ZNF335: variants seen among roughly 807,000 people sequenced by gnomAD.
ZNF335 encodes zinc finger protein 335, also known as NRC-interacting factor 1.
ZNF335 carries 84 observed loss-of-function variants against 145.6 expected under a neutral mutation model. The ratio of observed to expected loss-of-function variants is 0.58; its 90% CI spans 0.48 to 0.69. The LOEUF is 0.69. Among genes scored for constraint, ZNF335 ranks in the 30% least tolerant of loss-of-function variants. The probability of loss-of-function intolerance (pLI) is 0.00; values close to 1 mark genes in which losing one functional copy is unlikely to be tolerated. For missense variants in ZNF335, 1,865 were observed against 1,809.7 expected (o/e 1.03, Z -0.55); for synonymous variants, 761 against 717.0 (o/e 1.06, Z -0.98).
intron 7 of ZNF335, among the ~76,000 whole-genome samples, chr20:45,965,334 A>G (rs778564241): frequency 6.6e-6 from 1 of 151,998 alleles, no homozygotes; most frequent in Admixed American, 6.6e-5. Context: ...TTCTCATTTC[A>G]GTAATATTTA....
Position 45,965,635 on chromosome 20 carries a change from G to C in ZNF335, c.1095C>G (p.Leu365=). Residue 365 remains leucine, a synonymous_variant, in exon 7 of 28, where the codon CTC becomes CTG. Coordinates refer to ENST00000322927, the MANE Select transcript of ZNF335 (RefSeq NM_022095.4). Reference sequence around the variant, plus strand: ...CCCAAGACCAAGCCTCACCATCTGGGAGGTCTGAGATCTCCAGGCGGGGCA... The same window carrying C: ...CCCAAGACCAAGCCTCACCATCTGGCAGGTCTGAGATCTCCAGGCGGGGCA... ...RKLPRLEISD[L]PDGVEGEPLV... The C allele has an allele frequency of 6.3e-7, 1 of 1,598,604 alleles. No individual in the cohort carries two copies. The highest frequency in any genetic ancestry group is 8.5e-7 in the Non-Finnish European group (1 of 1,173,846).
At chr20:45,951,092 A>G (rs1308678495) in intron 20 of ZNF335, among the ~76,000 whole-genome samples, 1 of 152,196 alleles carries the variant, frequency 6.6e-6, no homozygotes, top group Non-Finnish European at 1.5e-5. Flanking sequence ...GGTTTTCTCC[A>G]TGTTGGTCAG....
In ZNF335 at chr20:45,949,795, C is replaced by T. The variant is rs369593106; in HGVS notation, c.3669+5G>A. 2 of 1,614,084 alleles carry T rather than the reference C, an allele frequency of 1.2e-6. No homozygotes were observed. The highest frequency in any genetic ancestry group is 2.7e-5 in the African/African-American group (2 of 75,044). Reference sequence around the variant, plus strand: ...TGAGGGGATTAACAGTAGCTAGTAGCTCACCTGGTTGTCGGAGGTCACCAG... The same window carrying T: ...TGAGGGGATTAACAGTAGCTAGTAGTTCACCTGGTTGTCGGAGGTCACCAG... On this transcript the variant is annotated splice_donor_5th_base_variant and intron_variant, in intron 24 of 27. Coordinates refer to ENST00000322927, the MANE Select transcript of ZNF335 (RefSeq NM_022095.4).
In ZNF335 at chr20:45,949,365, C is replaced by G; in HGVS notation, c.3787G>C (p.Glu1263Gln). The G allele has an allele frequency of 6.2e-7, 1 of 1,614,156 alleles. No homozygotes were observed. ...TCCTGAAGGAACGGGGCTCCTTGTTCATACTGGATGTGTGTGATCTGGCCC... is the reference window on the plus strand; with the variant it reads ...TCCTGAAGGAACGGGGCTCCTTGTTGATACTGGATGTGTGTGATCTGGCCC... ...QEGQITHIQY[E>Q]QGAPFLQESQ... Residue 1263 changes from glutamate to glutamine, a missense_variant, in exon 26 of 28, where the codon GAA becomes CAA. By Grantham distance (29) the Glu-to-Gln change is conservative. Coordinates refer to ENST00000322927, the MANE Select transcript of ZNF335 (RefSeq NM_022095.4).
intron 2 of ZNF335, 143 bp from the exon 3 acceptor site, chr20:45,969,834 G>GGCCTCTCTC: frequency 1.8e-6 from 2 of 1,133,262 alleles, no homozygotes; most frequent in Non-Finnish European, 2.4e-6. Context: ...CCCCACGGAG[G>GGCCTCTCTC]ACCAGTGAGA....
chr20:45,968,148 AC>A (rs1313695286), intron 4 of ZNF335, 121 bp from the exon 5 acceptor site: 16 of 1,510,628 alleles, frequency 1.1e-5, no homozygotes, highest in Non-Finnish European at 1.5e-5. Context: ...CCAGAGGCCA[AC>A]CCGTCAGTAG....
intron 1 of ZNF335, chr20:45,971,765 G>A (rs1190016067): frequency 1.0e-6 from 1 of 985,426 alleles, no homozygotes; most frequent in Non-Finnish European, 1.2e-6. Context: ...CAGTGGTTCA[G>A]CCCTTCGGCC....
Position 45,962,086 on chromosome 20 carries a change from C to G in ZNF335, c.1630G>C (p.Val544Leu). ...CACACTGACCGGTCCCGGCTGTGCACAGCGGCGTGCCGAATGACGTCCTTC... is the reference window on the plus strand; with the variant it reads ...CACACTGACCGGTCCCGGCTGTGCAGAGCGGCGTGCCGAATGACGTCCTTC... ...YRKDVIRHAA[V>L]HSRDRKKRPD... is the part of the protein sequence containing the mutation. The change falls in exon 10 of 28, where the codon GTG (valine) becomes CTG (leucine). Residue 544 changes from valine (V) to leucine (L), a missense_variant. Transcript: ENST00000322927. 1 of 1,613,606 alleles carries G rather than the reference C, an allele frequency of 6.2e-7. No individual in the cohort carries two copies. Among genetic ancestry groups the G allele is most frequent in the Non-Finnish European group, 8.5e-7 (1 of 1,179,882 alleles).
At position 45,968,358 on chromosome 20, in the gene ZNF335, G is replaced by A. The variant is rs1403655556; in HGVS notation, c.447C>T (p.Cys149=). Residue 149 remains cysteine, a synonymous_variant, in exon 4 of 28, where the codon TGC becomes TGT. Transcript: ENST00000322927. ...STIGPDLIQN[C]ITVTSAEDGG... ...CATCCTCAGCACTGGTCACAGTGAT[G>A]CAGTCTGGGCAGAGATGGGGAAGGG... is the stretch of plus-strand genomic sequence containing the variant. 3 of 1,609,818 alleles carry A rather than the reference G, an allele frequency of 1.9e-6. No individual in the cohort carries two copies. Among genetic ancestry groups the A allele is most frequent in the Non-Finnish European group, 2.5e-6 (3 of 1,176,888 alleles).
intron 6 of ZNF335, 48 bp from the exon 7 acceptor site, chr20:45,965,822 CT>C: frequency 6.4e-7 from 1 of 1,565,138 alleles, no homozygotes; most frequent in East Asian, 2.4e-5. Flanking sequence ...GGGACCTGCC[CT>C]TTCAGCCCTG....
chr20:45,962,596 G>A (rs1034173606), intron 9 of ZNF335, among the ~76,000 whole-genome samples: 3 of 152,108 alleles, frequency 2.0e-5, no homozygotes, highest in South Asian at 2.1e-4. Context: ...TCTGACCACC[G>A]TGCCCGGAAG....
chr20:45,963,380 C>G, intron 9 of ZNF335, 93 bp downstream of exon 9: 1 of 1,406,866 alleles, frequency 7.1e-7, no homozygotes, highest in African/African-American at 1.4e-5. Context: ...ACCCAGAATG[C>G]TCTGTGACTC....
In ZNF335 at chr20:45,949,789, T is replaced by C; in HGVS notation, c.3669+11A>G. Reference sequence around the variant, plus strand: ...CACAGCTGAGGGGATTAACAGTAGCTAGTAGCTCACCTGGTTGTCGGAGGT... The same window carrying C: ...CACAGCTGAGGGGATTAACAGTAGCCAGTAGCTCACCTGGTTGTCGGAGGT... On this transcript the variant is annotated intron_variant, in intron 24 of 27. Transcript: ENST00000322927. 1 of 1,613,992 alleles carries C rather than the reference T, an allele frequency of 6.2e-7. No homozygotes were observed. The highest frequency in any genetic ancestry group is 8.5e-7 in the Non-Finnish European group (1 of 1,179,934).
chr20:45,953,450 AAAT>A (rs1444330590), intron 18 of ZNF335, among the ~76,000 whole-genome samples: 1 of 152,194 alleles, frequency 6.6e-6, no homozygotes, highest in Non-Finnish European at 1.5e-5. Flanking sequence ...AAAACAAGGG[AAAT>A]CTGGGTCTCA....
At chr20:45,962,501 C>T (rs903992704) in intron 9 of ZNF335, among the ~76,000 whole-genome samples, 4 of 152,224 alleles carry the variant, frequency 2.6e-5, no homozygotes, top group South Asian at 2.1e-4. Context: ...CAGCCTCCAC[C>T]TCTCCCACTG....
chr20:45,949,478 G>A lies in ZNF335; in HGVS notation c.3753+7C>T. On this transcript the variant is annotated splice_region_variant and intron_variant, in intron 25 of 27. Coordinates refer to ENST00000322927, the MANE Select transcript of ZNF335 (RefSeq NM_022095.4). ...CACACAGCACCCTCATCCCAGGTCTGGCCTACCTGGATGTGATGGCCTTCA... is the reference window on the plus strand; with the variant it reads ...CACACAGCACCCTCATCCCAGGTCTAGCCTACCTGGATGTGATGGCCTTCA... 1 of 1,613,894 alleles carries A rather than the reference G, an allele frequency of 6.2e-7. No individual in the cohort carries two copies. Among genetic ancestry groups the A allele is most frequent in the Non-Finnish European group, 8.5e-7 (1 of 1,179,982 alleles).
In ZNF335 at chr20:45,960,885, G is replaced by A. The variant is rs1322405058; in HGVS notation, c.1647-3C>T. The A allele has an allele frequency of 6.2e-7, 1 of 1,613,646 alleles. No individual in the cohort carries two copies. The highest frequency in any genetic ancestry group is 8.5e-7 in the Non-Finnish European group (1 of 1,179,876). The stretch of plus-strand genomic sequence containing the variant: ...TCACCGGATCTGGCCTCTTCTTCCT[G>A]TGGGGAAAAGGCCGAGGAATTAGAC... On this transcript the variant is annotated splice_region_variant and splice_polypyrimidine_tract_variant and intron_variant, in intron 10 of 27. Coordinates refer to ENST00000322927, the MANE Select transcript of ZNF335 (RefSeq NM_022095.4).
At chr20:45,968,159 G>C in intron 4 of ZNF335, 126 bp downstream of exon 4, 3 of 1,501,422 alleles carry the variant, frequency 2.0e-6, no homozygotes, top group Non-Finnish European at 2.7e-6. Flanking sequence ...CCCGTCAGTA[G>C]GAAAACTGAG....
intron 17 of ZNF335, 90 bp downstream of exon 17, chr20:45,957,496 G>A: frequency 7.8e-7 from 1 of 1,280,246 alleles, no homozygotes; most frequent in Non-Finnish European, 1.1e-6. Context: ...GAGAAGCTCT[G>A]ATACACTGTT....
Sources: allele counts gnomAD v4.1 joint callset (sites outside exome capture counted in the v4.1 genomes callset), GRCh38; gene constraint gnomAD v4.1.1; transcripts MANE v1.5; gene names NCBI Gene and HGNC (gene_info 2026-07-23, HGNC 2026-07-21).